Variants in KAT6A observed in about 807,000 individuals in gnomAD.
The protein encoded by KAT6A is histone acetyltransferase KAT6A.
A neutral mutation model predicts 198.4 loss-of-function variants in KAT6A; 9 were observed. The observed-to-expected ratio is 0.05, with a 90% CI of 0.03 to 0.08. KAT6A has a LOEUF of 0.08. Among genes scored for constraint, KAT6A ranks in the 10% least tolerant of loss-of-function variants. The pLI is 1.00. For missense variants in KAT6A, 2,077 were observed against 2,509.9 expected (o/e 0.83, Z 3.69); for synonymous variants, 890 against 883.0 (o/e 1.01, Z -0.14).
intron 2 of KAT6A, among the ~76,000 whole-genome samples, chr8:41,989,370 G>A (rs147963977): frequency 8.2e-4 from 125 of 152,122 alleles, no homozygotes; most frequent in Non-Finnish European, 2.6e-4. Context: ...TTAGCCAGGC[G>A]TGGTGACATG....
At chr8:42,000,098 T>C (rs1190140672) in intron 2 of KAT6A, among the ~76,000 whole-genome samples, 1 of 152,234 alleles carries the variant, frequency 6.6e-6, no homozygotes, top group African/African-American at 2.4e-5. Flanking sequence ...TAAGAAATTT[T>C]CTATATATGG....
At chr8:41,962,600 TGCCCCCC>T (rs1823262393) in intron 8 of KAT6A, among the ~76,000 whole-genome samples, 1 of 101,226 alleles carries the variant, frequency 9.9e-6, no homozygotes, top group Non-Finnish European at 2.2e-5. Flanking sequence ...GCTTGTATAC[TGCCCCCC>T]GCCCCCTCAA....
intron 8 of KAT6A, among the ~76,000 whole-genome samples, chr8:41,972,723 T>G (rs1285382748): frequency 1.3e-5 from 2 of 152,240 alleles, no homozygotes; most frequent in Non-Finnish European, 2.9e-5. Context: ...TAATTTGTGT[T>G]AAATTCCTGA....
At chr8:42,005,689 C>G (rs151249799) in intron 2 of KAT6A, among the ~76,000 whole-genome samples, 1 of 152,060 alleles carries the variant, frequency 6.6e-6, no homozygotes, top group African/African-American at 2.4e-5. Flanking sequence ...GCCAGCCCTT[C>G]CACACATGCT....
chr8:41,938,218 C>T (rs1821943538), intron 15 of KAT6A, among the ~76,000 whole-genome samples: 1 of 152,208 alleles, frequency 6.6e-6, no homozygotes, highest in Non-Finnish European at 1.5e-5. Flanking sequence ...AATCCAATCC[C>T]TTCATTCTAT....
At chr8:41,981,129 C>T (rs527749705) in intron 4 of KAT6A, among the ~76,000 whole-genome samples, 66 of 152,228 alleles carry the variant, frequency 4.3e-4, no homozygotes, top group African/African-American at 1.4e-3. Context: ...ACTAGCCTGA[C>T]CAACATGGTG....
chr8:41,988,663 ACC>A (rs1824751937), intron 2 of KAT6A, among the ~76,000 whole-genome samples: 1 of 152,222 alleles, frequency 6.6e-6, no homozygotes, highest in African/African-American at 2.4e-5. Flanking sequence ...TGGGCTTAAA[ACC>A]AGTTTTGAGA....
At chr8:41,971,776 T>G (rs1296473186) in intron 8 of KAT6A, among the ~76,000 whole-genome samples, 1 of 152,110 alleles carries the variant, frequency 6.6e-6, no homozygotes, top group Non-Finnish European at 1.5e-5. Flanking sequence ...AAGTTTAGTC[T>G]GGAGGCAATT....
intron 2 of KAT6A, among the ~76,000 whole-genome samples, chr8:42,009,265 C>A (rs570542038): frequency 8.0e-4 from 121 of 152,020 alleles, no homozygotes; most frequent in Non-Finnish European, 1.4e-3. Context: ...AGAACAGGAA[C>A]CATAAAGTAA....
intron 2 of KAT6A, among the ~76,000 whole-genome samples, chr8:42,006,069 G>A (rs1825731002): frequency 6.6e-6 from 1 of 152,136 alleles, no homozygotes; most frequent in South Asian, 2.1e-4. Context: ...TGAAGCAAAA[G>A]TATACCATCA....
At chr8:42,041,364 T>C (rs754738719) in intron 2 of KAT6A, among the ~76,000 whole-genome samples, 6 of 152,214 alleles carry the variant, frequency 3.9e-5, no homozygotes, top group South Asian at 2.1e-4. Context: ...GACTTGTTAG[T>C]AACAAATTTT....
At chr8:42,003,102 C>T (rs1008312282) in intron 2 of KAT6A, among the ~76,000 whole-genome samples, 7 of 152,132 alleles carry the variant, frequency 4.6e-5, no homozygotes, top group East Asian at 1.9e-4. Flanking sequence ...CTCCACCAGC[C>T]GGGAACACAC....
chr8:41,987,988 A>C (rs1310746001), intron 2 of KAT6A, among the ~76,000 whole-genome samples: 1 of 152,258 alleles, frequency 6.6e-6, no homozygotes, highest in African/African-American at 2.4e-5. Flanking sequence ...GAAGACATTA[A>C]GTGAGAGAAA....
chr8:42,018,689 G>A (rs1307624030), intron 2 of KAT6A, among the ~76,000 whole-genome samples: 6 of 152,102 alleles, frequency 3.9e-5, no homozygotes, highest in African/African-American at 9.7e-5. Context: ...TTGAGAGGCC[G>A]AGGTGGATGG....
intron 2 of KAT6A, among the ~76,000 whole-genome samples, chr8:42,024,860 A>C (rs1826721970): frequency 6.6e-6 from 1 of 152,100 alleles, no homozygotes; most frequent in Non-Finnish European, 1.5e-5. Context: ...ATAGATACTT[A>C]GGTTGATTCC....
At position 42,037,729 on chromosome 8, in the gene KAT6A, A is replaced by G. The variant is rs556234066; in HGVS notation, c.600+10649T>C. On this transcript the variant is annotated intron_variant, in intron 2 of 16. Transcript: ENST00000265713. ...TTTGGCTGCCAGATTTTATTTCCACACCAGTTATCTTCTTCTTAACAAGTT... is the reference window on the plus strand; with the variant it reads ...TTTGGCTGCCAGATTTTATTTCCACGCCAGTTATCTTCTTCTTAACAAGTT... Among the ~76,000 whole-genome samples the G allele has an allele frequency of 2.0e-4, 29 of 146,638 alleles. No homozygotes were observed. The South Asian group carries it at 6.0e-3, about 30-fold the overall frequency.
chr8:41,943,677 T>C, intron 13 of KAT6A, 71 bp downstream of exon 13: 1 of 974,854 alleles, frequency 1.0e-6, no homozygotes, highest in Non-Finnish European at 1.6e-6. Flanking sequence ...TCATCAATAA[T>C]CTGACTGGCT....
At chr8:41,945,777 C>T (rs1822350944) in intron 12 of KAT6A, among the ~76,000 whole-genome samples, 1 of 151,900 alleles carries the variant, frequency 6.6e-6, no homozygotes, top group Admixed American at 6.6e-5. Context: ...GCCTGTAATC[C>T]CAGTACTTTG....
chr8:41,989,056 A>G (rs1824774164), intron 2 of KAT6A, among the ~76,000 whole-genome samples: 1 of 152,144 alleles, frequency 6.6e-6, no homozygotes, highest in African/African-American at 2.4e-5. Context: ...GAAAGTGGGG[A>G]AGGAGGTACT....
Sources: allele counts gnomAD v4.1 joint callset (sites outside exome capture counted in the v4.1 genomes callset), GRCh38; gene constraint gnomAD v4.1.1; transcripts MANE v1.5; gene names NCBI Gene and HGNC (gene_info 2026-07-23, HGNC 2026-07-21).